The following AHCYL2 variants were observed in gnomAD, a reference collection of about 807,000 sequenced individuals.
AHCYL2 encodes adenosylhomocysteinase like 2, also known as S-adenosylhomocysteine hydrolase-like protein 2.
In AHCYL2, 28 loss-of-function variants were observed where a neutral mutation model predicts 81.4. The observed-to-expected ratio is 0.34, with a 90% CI of 0.25 to 0.47. AHCYL2 has a LOEUF of 0.47. Ranked by LOEUF, AHCYL2 falls within the 20% of genes least tolerant of loss-of-function variation. The pLI, the probability that AHCYL2 is intolerant of heterozygous loss-of-function variation, is 1.00. For missense variants in AHCYL2, 551 were observed against 785.1 expected, an observed-to-expected ratio of 0.70 and a Z score of 3.56; for synonymous variants, 272 against 290.2, an observed-to-expected ratio of 0.94 and a Z score of 0.64.
chr7:129,296,554 A>G (rs1389537582), intron 1 of AHCYL2, among the ~76,000 whole-genome samples: 1 of 152,136 alleles, frequency 6.6e-6, no homozygotes, highest in Non-Finnish European at 1.5e-5. Context: ...ACTTAAAAAA[A>G]TTAAAAAATT....
At chr7:129,388,731 T>G (rs1400625891) in intron 2 of AHCYL2, 4 of 225,338 alleles carry the variant, frequency 1.8e-5, no homozygotes, top group South Asian at 1.9e-4. Flanking sequence ...AAAACCCATA[T>G]GTTAATGACC....
At chr7:129,319,134 TG>T (rs1219744125) in intron 1 of AHCYL2, among the ~76,000 whole-genome samples, 1 of 152,068 alleles carries the variant, frequency 6.6e-6, no homozygotes, top group South Asian at 2.1e-4. Flanking sequence ...TTAGAAGAAA[TG>T]AAATACAAAT....
intron 1 of AHCYL2, among the ~76,000 whole-genome samples, chr7:129,228,378 T>C (rs1352849378): frequency 2.0e-5 from 3 of 152,232 alleles, no homozygotes; most frequent in Admixed American, 6.5e-5. Context: ...AAGGAACATA[T>C]GGTGTGCAGG....
intron 1 of AHCYL2, chr7:129,377,672 A>G (rs931056933): frequency 4.6e-5 from 21 of 455,050 alleles, no homozygotes; most frequent in Admixed American, 9.4e-5. Context: ...ACCTTCCTCT[A>G]TGCCACCTTG....
chr7:129,238,573 T>C (rs972484869), intron 1 of AHCYL2, among the ~76,000 whole-genome samples: 2 of 152,114 alleles, frequency 1.3e-5, no homozygotes, highest in African/African-American at 4.8e-5. Context: ...TGTAGTTTGA[T>C]ATAAGCAATA....
chr7:129,383,790 C>T (rs1186249213), intron 2 of AHCYL2, among the ~76,000 whole-genome samples: 1 of 152,098 alleles, frequency 6.6e-6, no homozygotes, highest in Non-Finnish European at 1.5e-5. Flanking sequence ...ACCTTTGTAC[C>T]TGTTCCCTCT....
In AHCYL2 at chr7:129,405,132, T is replaced by A. The variant is rs1380587328; in HGVS notation, c.1061T>A (p.Val354Asp). 6.2e-7 allele frequency: 1 copy of A among 1,606,616 alleles called. No homozygotes were observed. The highest frequency in any genetic ancestry group is 1.7e-5 in the Admixed American group (1 of 58,914). Residue 354 changes from valine to aspartate, a missense_variant, in exon 8 of 17, where the codon GTT (valine) becomes GAT (aspartate). Around this residue, in one of 2 missense-constraint regions of AHCYL2, gnomAD observed 316 missense variants for 543.1 expected, o/e 0.58. Transcript: ENST00000325006. ...YQLSKAGKLC[V>D]PAMNVNDSVT... ...CTGTCCAAAGCTGGGAAGCTGTGTG[T>A]TCCAGCCATGAATGTCAATGACTCA...
At position 129,225,377 on chromosome 7, in the gene AHCYL2, G is replaced by A. The variant is rs1794173132; in HGVS notation, c.301G>A (p.Gly101Ser). 2 of 1,516,180 alleles carry A rather than the reference G, an allele frequency of 1.3e-6. No individual in the cohort carries two copies. The highest frequency in any genetic ancestry group is 4.1e-5 in the Admixed American group (2 of 49,348). 93.9% of individuals were successfully genotyped at this position (1,516,180 alleles called of 1,614,324 possible). Residue 101 changes from glycine (G) to serine (S), a missense_variant, in exon 1 of 17, where the codon GGC becomes AGC. Around this residue, in one of 2 missense-constraint regions of AHCYL2, gnomAD observed 235 missense variants for 242.1 expected, o/e 0.97. Transcript: ENST00000325006. ...PHHQHQRHRD[G>S]GEALVSPDGT... ...TCACCAGCACCAGCGGCACCGCGAC[G>A]GCGGCGAGGCCCTGGTCAGCCCCGA...
At chr7:129,254,223 A>C (rs768136653) in intron 1 of AHCYL2, among the ~76,000 whole-genome samples, 4 of 152,224 alleles carry the variant, frequency 2.6e-5, no homozygotes, top group Non-Finnish European at 5.9e-5. Context: ...AATGGTAGCT[A>C]TACTTTGATT....
At chr7:129,246,037 A>G (rs1378757260) in intron 1 of AHCYL2, among the ~76,000 whole-genome samples, 1 of 152,058 alleles carries the variant, frequency 6.6e-6, no homozygotes, top group Non-Finnish European at 1.5e-5. Context: ...TAGTCATCCT[A>G]ATAGGTGTGA....
chr7:129,252,550 T>C (rs778818699), intron 1 of AHCYL2, among the ~76,000 whole-genome samples: 4 of 152,160 alleles, frequency 2.6e-5, no homozygotes, highest in Admixed American at 6.5e-5. Context: ...GAGGATTGCT[T>C]GAGCACAGGA....
At chr7:129,249,488 C>G (rs1308432441) in intron 1 of AHCYL2, among the ~76,000 whole-genome samples, 1 of 151,996 alleles carries the variant, frequency 6.6e-6, no homozygotes, top group East Asian at 1.9e-4. Flanking sequence ...TGCAGTGGCG[C>G]AATCTCGGCT....
chr7:129,234,543 G>C (rs1242306389), intron 1 of AHCYL2, among the ~76,000 whole-genome samples: 1 of 152,168 alleles, frequency 6.6e-6, no homozygotes, highest in East Asian at 1.9e-4. Flanking sequence ...ACCTGGCCAA[G>C]ATGGGGTCTC....
At chr7:129,288,332 T>A (rs1282537645) in intron 1 of AHCYL2, among the ~76,000 whole-genome samples, 1 of 152,182 alleles carries the variant, frequency 6.6e-6, no homozygotes, top group Non-Finnish European at 1.5e-5. Flanking sequence ...CTGCAACTCC[T>A]GTAAATTTGT....
At chr7:129,351,558 G>T (rs1274108921) in intron 1 of AHCYL2, 1 of 152,170 alleles carries the variant, frequency 6.6e-6, no homozygotes, top group Non-Finnish European at 1.5e-5. Flanking sequence ...AAGGTGAAAA[G>T]GAAATCGCCA....
chr7:129,294,733 G>C (rs34026893), intron 1 of AHCYL2, among the ~76,000 whole-genome samples: 1 of 152,164 alleles, frequency 6.6e-6, no homozygotes, highest in East Asian at 1.9e-4. Flanking sequence ...ATTAGTAGAC[G>C]TGTTAAGGAG....
At chr7:129,352,937 CTTTT>C (rs59762582) in intron 1 of AHCYL2, among the ~76,000 whole-genome samples, 2 of 82,550 alleles carry the variant, frequency 2.4e-5, no homozygotes, top group Admixed American at 1.7e-4. Flanking sequence ...CCTCCTCATT[CTTTT>C]TTTTTTTTTT....
At position 129,427,693 on chromosome 7, in the gene AHCYL2, C is replaced by T. The variant is rs1311728701; in HGVS notation, c.*648C>T. The T allele has an allele frequency of 3.3e-5, 5 of 152,688 alleles. No individual in the cohort carries two copies. Among genetic ancestry groups the T allele is most frequent in the African/African-American group, 4.8e-5 (2 of 41,454 alleles). 9.5% of individuals were successfully genotyped at this position (152,688 alleles called of 1,614,324 possible). ...CCTTGAATATTTATGTCCATTTTAA[C>T]ACTTCCTGGTTGCAAGAGGGATGTG... On this transcript the variant is annotated 3_prime_UTR_variant, in exon 17 of 17. Coordinates refer to ENST00000325006, the MANE Select transcript of AHCYL2 (RefSeq NM_015328.4). The surrounding 1 kb of genome is among the most constrained non-coding windows in gnomAD (Gnocchi z 5.5).
At chr7:129,342,821 C>T (rs1175461253) in intron 1 of AHCYL2, among the ~76,000 whole-genome samples, 1 of 152,152 alleles carries the variant, frequency 6.6e-6, no homozygotes, top group East Asian at 1.9e-4. Flanking sequence ...TCATCTTGTG[C>T]TTCATTCTAG....
Sources: gnomAD v4.1 joint callset for allele counts (sites outside exome capture counted in the v4.1 genomes callset) on GRCh38, gnomAD v4.1.1 for gene constraint, gnomAD v4.1.1 regional missense constraint, Gnocchi (gnomAD v3.1) non-coding constraint, MANE v1.5 for transcripts, NCBI Gene and HGNC (gene_info 2026-07-23, HGNC 2026-07-21) for gene names.